The following MED12L variants were observed in gnomAD, a reference collection of about 807,000 sequenced individuals.
MED12L encodes the protein mediator of RNA polymerase II transcription subunit 12-like protein.
Under a neutral mutation model 281.3 loss-of-function variants are expected in MED12L, and 60 were observed. The ratio of observed to expected loss-of-function variants is 0.21; its 90% CI spans 0.17 to 0.26. The LOEUF (loss-of-function observed/expected upper bound fraction) is 0.26, where lower values mean the gene tolerates loss of function less well. Ranked by LOEUF, MED12L falls within the 10% of genes least tolerant of loss-of-function variation. MED12L has a pLI of 1.00. For synonymous variants in MED12L, 974 were observed against 987.2 expected (o/e 0.99, Z 0.25); for missense variants, 2,146 against 2,680.9 (o/e 0.80, Z 4.41).
At chr3:151,156,101 CAT>C (rs1279226774) in intron 5 of MED12L, 58 bp from the exon 6 acceptor site, 4 of 1,375,280 alleles carry the variant, frequency 2.9e-6, no homozygotes, top group Middle Eastern at 2.2e-4. Context: ...GGGAAGAAAA[CAT>C]GTAATTCTTG....
intron 16 of MED12L, chr3:151,213,200 G>A (rs1210008317): frequency 5.5e-6 from 5 of 906,896 alleles, no homozygotes; most frequent in Non-Finnish European, 8.5e-6. Flanking sequence ...CAGTGCTAGA[G>A]ATGATATTTA....
At chr3:151,117,010 C>T (rs1183278528) in intron 3 of MED12L, among the ~76,000 whole-genome samples, 1 of 152,084 alleles carries the variant, frequency 6.6e-6, no homozygotes, top group Non-Finnish European at 1.5e-5. Flanking sequence ...AAAAGTTCAT[C>T]CTGTTATTTT....
At chr3:151,374,341 A>C in intron 27 of MED12L, among the ~76,000 whole-genome samples, 1 of 151,892 alleles carries the variant, frequency 6.6e-6, no homozygotes, top group Admixed American at 6.7e-5. Flanking sequence ...TGAGGCCAGG[A>C]GTTTGAGACC....
chr3:151,416,246 A>G (rs1351035881), intron 42 of MED12L, 66 bp from the exon 43 acceptor site: 1 of 1,611,744 alleles, frequency 6.2e-7, no homozygotes. Context: ...TATATGGGGG[A>G]AACAGATTCA....
At chr3:151,138,796 G>A (rs972113173) in intron 5 of MED12L, among the ~76,000 whole-genome samples, 1 of 152,170 alleles carries the variant, frequency 6.6e-6, no homozygotes, top group African/African-American at 2.4e-5. Context: ...ACCTGGCTGA[G>A]GTAGCACTTA....
intron 36 of MED12L, among the ~76,000 whole-genome samples, chr3:151,387,216 A>G (rs1418266257): frequency 6.6e-6 from 1 of 151,272 alleles, no homozygotes; most frequent in Non-Finnish European, 1.5e-5. Context: ...TTTTTTCTAG[A>G]GTCAGTAAAT....
At chr3:151,358,516 A>G (rs2150066275) in intron 20 of MED12L, among the ~76,000 whole-genome samples, 1 of 152,264 alleles carries the variant, frequency 6.6e-6, no homozygotes, top group South Asian at 2.1e-4. Flanking sequence ...TAGTATATTG[A>G]AACCCATTAG....
At chr3:151,397,819 T>C (rs1715178989) in intron 39 of MED12L, among the ~76,000 whole-genome samples, 1 of 152,322 alleles carries the variant, frequency 6.6e-6, no homozygotes, top group South Asian at 2.1e-4. Flanking sequence ...AGTAGATATG[T>C]TTTTATTCCA....
intron 16 of MED12L, among the ~76,000 whole-genome samples, chr3:151,210,316 A>T (rs893122877): frequency 6.6e-6 from 1 of 152,212 alleles, no homozygotes; most frequent in Non-Finnish European, 1.5e-5. Context: ...ACAGGACAGA[A>T]TGACTTTCCC....
rs992642214 is a variant in MED12L at position 151,369,618 on chromosome 3, G to T, written c.3664+69G>T. Reference sequence around the variant, plus strand: ...ATGAAGGCAAAATAATTTATTTTCAGGTTTAAATCTAGTAGTATTATTGGA... The same window carrying T: ...ATGAAGGCAAAATAATTTATTTTCATGTTTAAATCTAGTAGTATTATTGGA... On this transcript the variant is annotated intron_variant, in intron 26 of 44. Coordinates refer to ENST00000687756, the MANE Select transcript of MED12L (RefSeq NM_001393769.1). 3.2e-5 allele frequency: 33 copies of T among 1,019,660 alleles called. No homozygotes were observed. In the African/African-American group the frequency reaches 5.2e-4, roughly 16 times the overall value. The allele number at this position is 1,019,660 out of a possible 1,614,324, so 63.2% of individuals were successfully genotyped here. A position where few individuals can be genotyped will look rare whatever the true frequency, so the allele number is the denominator to read the frequency against.
chr3:151,345,877 G>C (rs1752477300), intron 16 of MED12L, among the ~76,000 whole-genome samples: 1 of 152,136 alleles, frequency 6.6e-6, no homozygotes, highest in African/African-American at 2.4e-5. Context: ...TTGAAAAATA[G>C]TAGCTTCTAA....
At chr3:151,292,205 C>T (rs111731244) in intron 16 of MED12L, among the ~76,000 whole-genome samples, 267 of 151,858 alleles carry the variant, frequency 1.8e-3, no homozygotes, top group African/African-American at 6.1e-3. Context: ...AGATTATTGC[C>T]TGGGAGCTGT....
At chr3:151,419,329 C>T (rs1717980151) in intron 43 of MED12L, among the ~76,000 whole-genome samples, 1 of 152,198 alleles carries the variant, frequency 6.6e-6, no homozygotes, top group African/African-American at 2.4e-5. Context: ...CAAGGAGAGC[C>T]AGTCCAAGTT....
intron 16 of MED12L, among the ~76,000 whole-genome samples, chr3:151,199,848 T>C (rs567479758): frequency 3.0e-4 from 45 of 152,218 alleles, no homozygotes; most frequent in African/African-American, 1.0e-3. Flanking sequence ...CTTGTTTTAG[T>C]TTTTTGTTTT....
chr3:151,357,208 TAC>T lies in MED12L; in HGVS notation c.2662-3_2662-2del. On this transcript the variant is annotated splice_polypyrimidine_tract_variant and splice_region_variant and intron_variant, in intron 19 of 44. Transcript: ENST00000687756. The stretch of plus-strand genomic sequence containing the variant: ...ATGTTTATTCAGTCTTTTCTCCTGT[TAC>T]AGTTACTAAATGAACTGAGTGTTGT... 6.3e-7 allele frequency: 1 copy of T among 1,589,508 alleles called. No individual in the cohort carries two copies. The highest frequency in any genetic ancestry group is 8.6e-7 in the Non-Finnish European group (1 of 1,169,288).
intron 2 of MED12L, among the ~76,000 whole-genome samples, chr3:151,100,494 C>T (rs186523039): frequency 2.6e-5 from 4 of 152,236 alleles, no homozygotes; most frequent in Non-Finnish European, 4.4e-5. Flanking sequence ...CTAAGATGCT[C>T]GTTTACTTAA....
chr3:151,169,026 ATCAAGGTATAT>A (rs1376161080), intron 11 of MED12L, among the ~76,000 whole-genome samples: 1 of 151,170 alleles, frequency 6.6e-6, no homozygotes, highest in African/African-American at 2.4e-5. Context: ...TGGTATATGC[ATCAAGGTATAT>A]ATGTATATGT....
chr3:151,150,808 A>G (rs1718357541), intron 5 of MED12L, among the ~76,000 whole-genome samples: 1 of 152,136 alleles, frequency 6.6e-6, no homozygotes, highest in Non-Finnish European at 1.5e-5. Flanking sequence ...TTCTTTCCTT[A>G]AACTTCACGT....
intron 16 of MED12L, among the ~76,000 whole-genome samples, chr3:151,324,335 A>G (rs1749330144): frequency 6.6e-6 from 1 of 152,112 alleles, no homozygotes; most frequent in Admixed American, 6.5e-5. Context: ...GTCAGGGCTT[A>G]TTACCTGGCA....
Sources: gnomAD v4.1 joint callset for allele counts (sites outside exome capture counted in the v4.1 genomes callset) on GRCh38, gnomAD v4.1.1 for gene constraint, MANE v1.5 for transcripts, NCBI Gene and HGNC (gene_info 2026-07-23, HGNC 2026-07-21) for gene names.